Variants in TLL2 observed in about 807,000 individuals in gnomAD.
TLL2 encodes tolloid-like protein 2.
A neutral mutation model predicts 123.0 loss-of-function variants in TLL2; 106 were observed. That is an observed-to-expected ratio of 0.86 (90% CI 0.74 to 1.01). TLL2 has a LOEUF of 1.01. TLL2 is among the 50% of genes least tolerant of loss of function. TLL2 has a pLI of 0.00. For missense variants in TLL2, 1,332 were observed against 1,336.7 expected (o/e 1.00, Z 0.06); for synonymous variants, 494 against 516.8 (o/e 0.96, Z 0.60).
At chr10:96,395,821 G>C in intron 12 of TLL2, 54 bp downstream of exon 12, 1 of 1,605,386 alleles carries the variant, frequency 6.2e-7, no homozygotes, top group Non-Finnish European at 8.5e-7. Context: ...CAGAGTGGAG[G>C]ATGTCTAGCA....
intron 7 of TLL2, among the ~76,000 whole-genome samples, chr10:96,414,484 A>T (rs574345620): frequency 6.6e-6 from 1 of 151,960 alleles, no homozygotes; most frequent in African/African-American, 2.4e-5. Context: ...GGTCCAGGCC[A>T]TGGCTCTCTC....
In TLL2 at chr10:96,513,641, C is replaced by A. The variant is rs752821534; in HGVS notation, c.45G>T (p.Leu15=). The A allele has an allele frequency of 2.5e-6, 4 of 1,592,848 alleles. No homozygotes were observed. Among genetic ancestry groups the A allele is most frequent in the Non-Finnish European group, 3.4e-6 (4 of 1,175,708 alleles). ...TALGALVSLL[L]LLPLPRGAGG... is the part of the protein sequence containing the mutation. Reference sequence around the variant, plus strand: ...CGGCGCCGCGAGGCAGCGGCAGCAGCAGCAGCAGTGACACCAGGGCCCCAA... The same window carrying A: ...CGGCGCCGCGAGGCAGCGGCAGCAGAAGCAGCAGTGACACCAGGGCCCCAA... The change falls in exon 1 of 21, where the codon CTG becomes CTT. Residue 15 remains leucine, a synonymous_variant. Coordinates refer to ENST00000357947, the MANE Select transcript of TLL2 (RefSeq NM_012465.4).
Position 96,425,259 on chromosome 10 carries a change from TTCTCTCTCTC to T in TLL2, c.639-2542_639-2533del, listed in dbSNP as rs5787184. On this transcript the variant is annotated intron_variant, in intron 5 of 20. Transcript: ENST00000357947. ...GATAGCTACCTCTGTCATTACTGTT[TTCTCTCTCTC>T]TCTCTCTCTCTCTCTCTCTCTCTCA... is the stretch of plus-strand genomic sequence containing the variant. Among the ~76,000 whole-genome samples the T allele has an allele frequency of 7.8e-4, 113 of 144,292 alleles. 1 individual carries two copies. Among genetic ancestry groups the T allele is most frequent in the South Asian group, 6.6e-4 (3 of 4,548 alleles). The allele number at this position is 144,292 out of a possible 152,430, so 94.7% of individuals were successfully genotyped here.
chr10:96,511,998 C>A (rs1294026378), intron 1 of TLL2, among the ~76,000 whole-genome samples: 1 of 152,228 alleles, frequency 6.6e-6, no homozygotes, highest in Non-Finnish European at 1.5e-5. Flanking sequence ...CTCATGGTAC[C>A]TGGGCCAGGC....
intron 6 of TLL2, among the ~76,000 whole-genome samples, chr10:96,421,534 G>T (rs916357699): frequency 6.6e-6 from 1 of 151,984 alleles, no homozygotes; most frequent in Non-Finnish European, 1.5e-5. Context: ...CATGGTGGCG[G>T]GTGCCTGTAG....
intron 2 of TLL2, among the ~76,000 whole-genome samples, chr10:96,479,302 C>G (rs1299422761): frequency 2.0e-5 from 3 of 152,220 alleles, no homozygotes; most frequent in Non-Finnish European, 4.4e-5. Context: ...CTGGCAATGT[C>G]AGCCCTCATC....
chr10:96,492,162 A>G (rs954306918), intron 1 of TLL2, among the ~76,000 whole-genome samples: 4 of 151,448 alleles, frequency 2.6e-5, no homozygotes, highest in Non-Finnish European at 4.4e-5. Flanking sequence ...ATATTACCAC[A>G]ATCCGTCCTC....
At chr10:96,402,063 A>T (rs1846402772) in intron 10 of TLL2, among the ~76,000 whole-genome samples, 1 of 152,198 alleles carries the variant, frequency 6.6e-6, no homozygotes, top group Admixed American at 6.5e-5. Context: ...AAAGTGTGGG[A>T]TTAAGTGACT....
intron 2 of TLL2, among the ~76,000 whole-genome samples, chr10:96,479,391 G>T (rs574493545): frequency 1.6e-4 from 24 of 152,318 alleles, no homozygotes; most frequent in African/African-American, 5.8e-4. Flanking sequence ...AGGTGCCCCT[G>T]CCCTGGGCAC....
intron 2 of TLL2, among the ~76,000 whole-genome samples, chr10:96,472,001 C>T (rs146099963): frequency 6.6e-6 from 1 of 152,250 alleles, no homozygotes; most frequent in East Asian, 1.9e-4. Flanking sequence ...GCACAACATA[C>T]TTAGAGAAAA....
At chr10:96,426,184 T>C (rs556770620) in intron 5 of TLL2, among the ~76,000 whole-genome samples, 2 of 152,236 alleles carry the variant, frequency 1.3e-5, no homozygotes, top group South Asian at 4.1e-4. Flanking sequence ...GAGAATAGAT[T>C]TCCTAATGTT....
rs1285354320 is a variant in TLL2 at position 96,476,248 on chromosome 10, T to TTTTTTTGTTGTTG, written c.286+4100_286+4101insCAACAACAAAAAA. On this transcript the variant is annotated intron_variant, in intron 2 of 20. Transcript: ENST00000357947. ...TATATATATATATATATATTTTATT[T>TTTTTTTGTTGTTG]TTGTTGTTGTTGTTGTTGTTGAGAC... Among the ~76,000 whole-genome samples, 55 of 69,234 alleles carry TTTTTTTGTTGTTG rather than the reference T, an allele frequency of 7.9e-4. 2 individuals are homozygous for TTTTTTTGTTGTTG. The highest frequency in any genetic ancestry group is 2.4e-3 in the African/African-American group (38 of 16,066). 45.4% of individuals were successfully genotyped at this position (69,234 alleles called of 152,430 possible).
chr10:96,411,792 A>G (rs1380022576), intron 8 of TLL2, among the ~76,000 whole-genome samples: 1 of 152,122 alleles, frequency 6.6e-6, no homozygotes, highest in Non-Finnish European at 1.5e-5. Context: ...GAAGCTCCAC[A>G]TTTTTTGGAG....
chr10:96,502,176 G>C (rs914366957), intron 1 of TLL2, among the ~76,000 whole-genome samples: 1 of 152,098 alleles, frequency 6.6e-6, no homozygotes, highest in Admixed American at 6.5e-5. Flanking sequence ...AAGAAGAACC[G>C]ATGTGAGCTG....
chr10:96,368,796 T>C (rs757017941), intron 20 of TLL2, among the ~76,000 whole-genome samples: 7 of 152,200 alleles, frequency 4.6e-5, no homozygotes, highest in Non-Finnish European at 7.4e-5. Context: ...GGTCTGTGAA[T>C]GGGAGCCACG....
At chr10:96,481,026 G>T (rs531049165) in intron 1 of TLL2, among the ~76,000 whole-genome samples, 26 of 152,296 alleles carry the variant, frequency 1.7e-4, no homozygotes, top group African/African-American at 5.1e-4. Flanking sequence ...GTTCATCTGG[G>T]TTCATGGGGA....
At chr10:96,458,567 A>G (rs1042170336) in intron 2 of TLL2, among the ~76,000 whole-genome samples, 2 of 117,010 alleles carry the variant, frequency 1.7e-5, no homozygotes, top group East Asian at 2.7e-4. Flanking sequence ...AGCCTGGGGG[A>G]CAAGAGCGAG....
At chr10:96,438,566 A>T (rs1451666084) in intron 3 of TLL2, among the ~76,000 whole-genome samples, 2 of 152,138 alleles carry the variant, frequency 1.3e-5, no homozygotes, top group Non-Finnish European at 2.9e-5. Flanking sequence ...TAGATTTCTT[A>T]GGATCTTCTA....
chr10:96,447,272 A>G (rs1846904986), intron 2 of TLL2, among the ~76,000 whole-genome samples: 1 of 152,276 alleles, frequency 6.6e-6, no homozygotes, highest in Non-Finnish European at 1.5e-5. Context: ...GGCCTTGCCA[A>G]CCAGGCTGTG....
Sources: gnomAD v4.1 joint callset for allele counts (sites outside exome capture counted in the v4.1 genomes callset) on GRCh38, gnomAD v4.1.1 for gene constraint, MANE v1.5 for transcripts, NCBI Gene and HGNC (gene_info 2026-07-23, HGNC 2026-07-21) for gene names.